AHNAK: variants seen among roughly 807,000 people sequenced by gnomAD.
AHNAK encodes neuroblast differentiation-associated protein AHNAK.
In AHNAK, 23 loss-of-function variants were observed where a neutral mutation model predicts 37.8. The ratio of observed to expected loss-of-function variants is 0.61; its 90% CI spans 0.44 to 0.86. The LOEUF (loss-of-function observed/expected upper bound fraction) is 0.86. Ranked by LOEUF, AHNAK falls within the 40% of genes least tolerant of loss-of-function variation. AHNAK has a pLI of 0.00. For missense variants in AHNAK, 7,411 were observed against 7,319.4 expected, an observed-to-expected ratio of 1.01 and a Z score of -0.46; for synonymous variants, 2,481 against 2,636.3, an observed-to-expected ratio of 0.94 and a Z score of 1.80.
chr11:62,484,187 A>G lies in AHNAK; in HGVS notation c.442+7545T>C, dbSNP rs376415472. Among the ~76,000 whole-genome samples the G allele has an allele frequency of 5.3e-5, 8 of 152,228 alleles. No homozygotes were observed. In the South Asian group the frequency reaches 1.7e-3, roughly 32 times the overall value. Reference sequence around the variant, plus strand: ...AGACCAAGAGCTCAAGACCAGTCTGAAAAACGTAGTGAAACCCCATTTCTA... The same window carrying G: ...AGACCAAGAGCTCAAGACCAGTCTGGAAAACGTAGTGAAACCCCATTTCTA... On this transcript the variant is annotated intron_variant, in intron 5 of 5. Coordinates refer to the AHNAK transcript ENST00000257247.
intron 5 of AHNAK, among the ~76,000 whole-genome samples, chr11:62,445,522 G>A (rs1938405255): frequency 6.6e-6 from 1 of 152,198 alleles, no homozygotes; most frequent in African/African-American, 2.4e-5. Context: ...AAGGAGGAAA[G>A]ATGCCAGAAG....
Position 62,518,443 on chromosome 11 carries a change from T to G in AHNAK, c.15974A>C (p.His5325Pro). The G allele has an allele frequency of 1.9e-6, 3 of 1,614,120 alleles. No homozygotes were observed. The highest frequency in any genetic ancestry group is 1.7e-6 in the Non-Finnish European group (2 of 1,180,024). The change falls in exon 5 of 5, where the codon CAT (histidine) becomes CCT (proline). Residue 5325 changes from histidine (H) to proline (P), a missense_variant. His to Pro is a moderately conservative substitution (Grantham distance 77). Transcript: ENST00000378024. The stretch of plus-strand genomic sequence containing the variant: ...ACCACTGAGGTTGAGCCCTGGAGCA[T>G]GCACCTTCATGCTGGGAACAGATGC... The part of the protein sequence containing the change: ...LDASVPSMKV[H>P]APGLNLSGVG...
At chr11:62,467,355 G>C (rs1403773442) in intron 5 of AHNAK, among the ~76,000 whole-genome samples, 2 of 152,012 alleles carry the variant, frequency 1.3e-5, no homozygotes, top group African/African-American at 4.8e-5. Context: ...TTAAATTCTT[G>C]GTGTCTGTAG....
In AHNAK at chr11:62,517,373, C is replaced by A. The variant is rs115526077; in HGVS notation, c.17044G>T (p.Val5682Phe). The change falls in exon 5 of 5, where the codon GTT becomes TTT. Residue 5682 changes from valine to phenylalanine, a missense_variant. Physicochemically the swap from Val to Phe is conservative, Grantham distance 50. Coordinates refer to ENST00000378024, the MANE Select transcript of AHNAK (RefSeq NM_001620.3). Reference sequence around the variant, plus strand: ...CTGGCCTCTGCTTTAGGGAAGTGAACATCCACCCCCATTTCTCTGCCAACC... The same window carrying A: ...CTGGCCTCTGCTTTAGGGAAGTGAAAATCCACCCCCATTTCTCTGCCAACC... ...ELVGREMGVD[V>F]HFPKAEASIQ... 84 of 1,614,192 alleles carry A rather than the reference C, an allele frequency of 5.2e-5. No individual in the cohort carries two copies. The East Asian group carries it at 1.7e-3, about 33-fold the overall frequency.
chr11:62,507,545 C>A (rs542396686), intron 4 of AHNAK, among the ~76,000 whole-genome samples: 1 of 152,268 alleles, frequency 6.6e-6, no homozygotes, highest in South Asian at 2.1e-4. Context: ...AATCCCAGCA[C>A]TTTGGGAGGC....
chr11:62,435,614 C>T (rs942552336), intron 5 of AHNAK, among the ~76,000 whole-genome samples: 2 of 152,082 alleles, frequency 1.3e-5, no homozygotes, highest in Non-Finnish European at 2.9e-5. Context: ...GGGGTTTCAC[C>T]GTGTTAGACA....
At chr11:62,496,533 A>T (rs1030838144) in intron 4 of AHNAK, among the ~76,000 whole-genome samples, 1 of 152,160 alleles carries the variant, frequency 6.6e-6, no homozygotes, top group African/African-American at 2.4e-5. Flanking sequence ...GCGGTGGCTC[A>T]CACCTGTAAT....
intron 4 of AHNAK, 36 bp downstream of exon 4, chr11:62,534,967 G>A (rs764694457): frequency 6.3e-7 from 1 of 1,585,920 alleles, no homozygotes; most frequent in South Asian, 1.1e-5. Context: ...ATGGCCGGGG[G>A]AGCTCAGGGC....
At chr11:62,440,761 G>T (rs1938288692) in intron 5 of AHNAK, among the ~76,000 whole-genome samples, 1 of 152,172 alleles carries the variant, frequency 6.6e-6, no homozygotes, top group Non-Finnish European at 1.5e-5. Flanking sequence ...CACAAAGGCA[G>T]ATCCCCAGGA....
At chr11:62,436,393 G>A (rs10897275) in intron 5 of AHNAK, among the ~76,000 whole-genome samples, 50,820 of 151,858 alleles carry the variant, frequency 0.33, 9,670 homozygotes, top group East Asian at 0.65. Flanking sequence ...TGGCAACAGT[G>A]CAGAATATGG....
rs1167906957 is a variant in AHNAK at position 62,519,595 on chromosome 11, T to C, written c.14822A>G (p.Glu4941Gly). ...AACTTTGGGTCCCTTGAGGTCCACT[T>C]CACCACCTTCTAACTTCGGACCTGA... Reference protein sequence around the residue: ...GFSGPKLEGGEVDLKGPKVEA... With the variant: ...GFSGPKLEGGGVDLKGPKVEA... Residue 4941 changes from glutamate to glycine, a missense_variant, in exon 5 of 5, where the codon GAA becomes GGA. By Grantham distance (98) the Glu-to-Gly change is moderately conservative (BLOSUM62 -2). Transcript: ENST00000378024. The C allele has an allele frequency of 1.2e-6, 2 of 1,613,716 alleles. No individual in the cohort carries two copies. Among genetic ancestry groups the C allele is most frequent in the Non-Finnish European group, 1.7e-6 (2 of 1,179,858 alleles).
At chr11:62,446,504 CA>C (rs796798330) in intron 5 of AHNAK, among the ~76,000 whole-genome samples, 27 of 152,280 alleles carry the variant, frequency 1.8e-4, no homozygotes, top group African/African-American at 6.5e-4. Flanking sequence ...CACAACCACG[CA>C]GATGTGGACT....
At chr11:62,505,533 G>C (rs1045670164) in intron 4 of AHNAK, among the ~76,000 whole-genome samples, 18 of 152,074 alleles carry the variant, frequency 1.2e-4, no homozygotes, top group Admixed American at 9.2e-4. Flanking sequence ...TTTGTTTGGA[G>C]TGCCAGGAGG....
chr11:62,541,004 C>T (rs1941105863), intron 1 of AHNAK, among the ~76,000 whole-genome samples: 1 of 152,230 alleles, frequency 6.6e-6, no homozygotes, highest in African/African-American at 2.4e-5. Context: ...GAGGAGCCTC[C>T]TTCCTCCACT....
At position 62,522,844 on chromosome 11, in the gene AHNAK, C is replaced by A. The variant is rs1460823051; in HGVS notation, c.11573G>T (p.Gly3858Val). 6 of 1,612,936 alleles carry A rather than the reference C, an allele frequency of 3.7e-6. No homozygotes were observed. Among genetic ancestry groups the A allele is most frequent in the Middle Eastern group, 1.6e-4 (1 of 6,076 alleles). Reference protein sequence around the residue: ...NIEGPEGKLKGPKFKMPEMNI... With the variant: ...NIEGPEGKLKVPKFKMPEMNI... ...CATCTCAGGCATCTTGAATTTGGGA[C>A]CTTTCAACTTTCCCTCTGGGCCTTC... is the stretch of plus-strand genomic sequence containing the variant. Residue 3858 changes from glycine (G) to valine (V), a missense_variant, in exon 5 of 5, where the codon GGT (glycine) becomes GTT (valine). Gly to Val is a moderately radical substitution (Grantham distance 109, BLOSUM62 -3). Coordinates refer to ENST00000378024, the MANE Select transcript of AHNAK (RefSeq NM_001620.3).
At chr11:62,477,130 G>A (rs1356530252) in intron 5 of AHNAK, among the ~76,000 whole-genome samples, 1 of 152,068 alleles carries the variant, frequency 6.6e-6, no homozygotes, top group Admixed American at 6.6e-5. Flanking sequence ...CTTTTTGCAG[G>A]GAAAACGCTT....
intron 5 of AHNAK, among the ~76,000 whole-genome samples, chr11:62,470,499 G>C (rs975500419): frequency 2.7e-5 from 4 of 150,700 alleles, no homozygotes; most frequent in Non-Finnish European, 3.0e-5. Flanking sequence ...CTAGCTACTC[G>C]GGAGGCTGAG....
Position 62,527,252 on chromosome 11 carries a change from G to A in AHNAK, c.7165C>T (p.Pro2389Ser), listed in dbSNP as rs1026598899. The change falls in exon 5 of 5, where the codon CCA (proline) becomes TCA (serine). Residue 2389 changes from proline to serine, a missense_variant. By Grantham distance (74) the Pro-to-Ser change is moderately conservative. Transcript: ENST00000378024. ...CTCTTCAAGTGTAGATCGAGGTCTG[G>A]CATAGAGATTTTGGGAGCTTTAAAG... ...MHFKAPKISM[P>S]DLDLHLKSPK... The A allele has an allele frequency of 6.4e-5, 97 of 1,516,708 alleles. No individual in the cohort carries two copies. The highest frequency in any genetic ancestry group is 8.2e-5 in the Non-Finnish European group (93 of 1,135,876). The allele number at this position is 1,516,708 out of a possible 1,614,324, so 94.0% of individuals were successfully genotyped here.
intron 5 of AHNAK, among the ~76,000 whole-genome samples, chr11:62,481,346 A>C (rs1939268748): frequency 6.6e-6 from 1 of 151,886 alleles, no homozygotes; most frequent in Non-Finnish European, 1.5e-5. Context: ...ATCTCAGGTA[A>C]TCCACCCACC....
Sources: gnomAD v4.1 joint callset for allele counts (sites outside exome capture counted in the v4.1 genomes callset) on GRCh38, gnomAD v4.1.1 for gene constraint, MANE v1.5 for transcripts, NCBI Gene and HGNC (gene_info 2026-07-23, HGNC 2026-07-21) for gene names.